Variants in GPC5 observed in about 807,000 individuals in gnomAD.
GPC5 encodes the protein glypican 5.
In GPC5, 47 loss-of-function variants were observed where a neutral mutation model predicts 53.9. That is an observed-to-expected ratio of 0.87 (90% confidence interval 0.69 to 1.11). The LOEUF (loss-of-function observed/expected upper bound fraction) is 1.11. GPC5 is among the 50% of genes most tolerant of loss of function. GPC5 has a pLI of 0.00. For synonymous variants in GPC5, 286 were observed against 263.3 expected (o/e 1.09, Z -0.84); for missense variants, 748 against 713.1 (o/e 1.05, Z -0.56).
intron 2 of GPC5, among the ~76,000 whole-genome samples, chr13:91,595,976 T>G (rs1287446516): frequency 6.6e-6 from 1 of 152,224 alleles, no homozygotes; most frequent in African/African-American, 2.4e-5. Flanking sequence ...AATTGTGGAT[T>G]TTTCCTTTTT....
At chr13:91,966,373 G>T (rs2040180877) in intron 6 of GPC5, among the ~76,000 whole-genome samples, 1 of 152,168 alleles carries the variant, frequency 6.6e-6, no homozygotes, top group South Asian at 2.1e-4. Context: ...ATGGGACATG[G>T]TTTTATCAAG....
At chr13:91,441,101 C>CT (rs900849304) in intron 1 of GPC5, among the ~76,000 whole-genome samples, 2 of 152,184 alleles carry the variant, frequency 1.3e-5, no homozygotes, top group African/African-American at 4.8e-5. Context: ...TAATCCCCTG[C>CT]TTTTTTTCTT....
At chr13:92,200,885 G>T (rs1381335390) in intron 7 of GPC5, among the ~76,000 whole-genome samples, 7 of 152,178 alleles carry the variant, frequency 4.6e-5, no homozygotes, top group African/African-American at 1.7e-4. Context: ...AGTATGAGAA[G>T]TGTATCTAAA....
At chr13:92,676,521 G>C (rs1377829795) in intron 7 of GPC5, among the ~76,000 whole-genome samples, 1 of 152,078 alleles carries the variant, frequency 6.6e-6, no homozygotes, top group Non-Finnish European at 1.5e-5. Context: ...GCAAAATTAG[G>C]CTGTGGTTCT....
At chr13:91,474,668 C>CA (rs373452938) in intron 2 of GPC5, among the ~76,000 whole-genome samples, 11 of 151,580 alleles carry the variant, frequency 7.3e-5, no homozygotes, top group South Asian at 4.2e-4. Flanking sequence ...GTAAGTGCTA[C>CA]AAAAAAAACC....
intron 7 of GPC5, among the ~76,000 whole-genome samples, chr13:92,783,904 A>C (rs1369443335): frequency 6.6e-6 from 1 of 152,210 alleles, no homozygotes; most frequent in East Asian, 1.9e-4. Flanking sequence ...AAGAAAATGC[A>C]CTAAGAACCC....
intron 7 of GPC5, among the ~76,000 whole-genome samples, chr13:92,711,768 T>C (rs1888146885): frequency 6.6e-6 from 1 of 151,968 alleles, no homozygotes; most frequent in South Asian, 2.1e-4. Flanking sequence ...AAATTAGAAA[T>C]CAATAGCAGA....
chr13:92,380,490 A>C lies in GPC5; in HGVS notation c.1561+235501A>C, dbSNP rs925894999. 2.0e-5 allele frequency among the ~76,000 whole-genome samples: 3 copies of C among 151,978 alleles called. No homozygotes were observed. In the East Asian group the frequency reaches 5.8e-4, roughly 29 times the overall value. ...TTTAGAATACAGGCGCATTGTTTGC[A>C]TGTTTGTGGCACTATTCACAATAGC... On this transcript the variant is annotated intron_variant, in intron 7 of 7. Transcript: ENST00000377067.
intron 5 of GPC5, among the ~76,000 whole-genome samples, chr13:91,770,920 T>A (rs2037613390): frequency 6.6e-6 from 1 of 152,100 alleles, no homozygotes; most frequent in Non-Finnish European, 1.5e-5. Context: ...GAAACATACC[T>A]GTAAAAAATA....
At chr13:92,156,406 A>G (rs1343837045) in intron 7 of GPC5, among the ~76,000 whole-genome samples, 1 of 152,168 alleles carries the variant, frequency 6.6e-6, no homozygotes. Flanking sequence ...TTGATTTTCA[A>G]TAAATCCTGT....
Position 92,646,930 on chromosome 13 carries a change from ATGTG to A in GPC5, c.1562-219318_1562-219315del, listed in dbSNP as rs753380099. 8.4e-3 allele frequency among the ~76,000 whole-genome samples: 1,238 copies of A among 146,566 alleles called. 9 individuals are homozygous for A. Among genetic ancestry groups the A allele is most frequent in the African/African-American group, 0.027 (1,054 of 39,350 alleles). Reference sequence around the variant, plus strand: ...CATATATATGTAAATATATATAAACATGTGTGTGTGTGTGTGTGTGTGTGTGTGT... The same window carrying A: ...CATATATATGTAAATATATATAAACATGTGTGTGTGTGTGTGTGTGTGTGT... On this transcript the variant is annotated intron_variant, in intron 7 of 7. Coordinates refer to ENST00000377067, the MANE Select transcript of GPC5 (RefSeq NM_004466.6).
At chr13:92,431,119 A>T in intron 7 of GPC5, among the ~76,000 whole-genome samples, 1 of 152,172 alleles carries the variant, frequency 6.6e-6, no homozygotes, top group Non-Finnish European at 1.5e-5. Context: ...TTATCGTAAC[A>T]TATGTAAACC....
chr13:92,364,404 A>G (rs369122328), intron 7 of GPC5, among the ~76,000 whole-genome samples: 1 of 151,780 alleles, frequency 6.6e-6, no homozygotes, highest in East Asian at 1.9e-4. Context: ...ATTATGACAT[A>G]TTTGTACTTT....
intron 7 of GPC5, among the ~76,000 whole-genome samples, chr13:92,455,157 T>C (rs1878210058): frequency 6.6e-6 from 1 of 152,172 alleles, no homozygotes; most frequent in Non-Finnish European, 1.5e-5. Flanking sequence ...AGATAGGAAA[T>C]GTTCCCTTGC....
chr13:92,272,223 A>G (rs2042844548), intron 7 of GPC5, among the ~76,000 whole-genome samples: 1 of 152,178 alleles, frequency 6.6e-6, no homozygotes, highest in Non-Finnish European at 1.5e-5. Flanking sequence ...TTTTTAGCCA[A>G]TATTTACCTG....
At chr13:92,367,986 T>C (rs1364953307) in intron 7 of GPC5, among the ~76,000 whole-genome samples, 1 of 152,086 alleles carries the variant, frequency 6.6e-6, no homozygotes, top group Non-Finnish European at 1.5e-5. Context: ...TCTGTGTGTG[T>C]GGCGGGGGCA....
intron 6 of GPC5, among the ~76,000 whole-genome samples, chr13:92,131,429 T>C (rs1392908206): frequency 1.3e-5 from 2 of 152,000 alleles, no homozygotes; most frequent in Non-Finnish European, 2.9e-5. Context: ...TAGCCCAAAA[T>C]TAGAAACAGG....
At chr13:92,383,598 GA>G (rs2043768215) in intron 7 of GPC5, among the ~76,000 whole-genome samples, 9 of 152,108 alleles carry the variant, frequency 5.9e-5, no homozygotes, top group Admixed American at 5.9e-4. Flanking sequence ...CAAAAGAAAA[GA>G]AACACAGAGG....
At chr13:91,590,578 A>G (rs1385347991) in intron 2 of GPC5, among the ~76,000 whole-genome samples, 1 of 152,206 alleles carries the variant, frequency 6.6e-6, no homozygotes, top group Admixed American at 6.5e-5. Context: ...AGTAAATTTA[A>G]TAGTCCTCTG....
Sources: allele counts gnomAD v4.1 joint callset (sites outside exome capture counted in the v4.1 genomes callset), GRCh38; gene constraint gnomAD v4.1.1; transcripts MANE v1.5; gene names NCBI Gene and HGNC (gene_info 2026-07-23, HGNC 2026-07-21).